The following TSTD2 variants were observed in gnomAD, a reference collection of about 807,000 sequenced individuals.
TSTD2 encodes thiosulfate sulfurtransferase/rhodanese-like domain-containing protein 2.
Under a neutral mutation model 47.9 loss-of-function variants are expected in TSTD2, and 37 were observed. The ratio of observed to expected loss-of-function variants is 0.77; its 90% CI spans 0.59 to 1.02. The LOEUF (loss-of-function observed/expected upper bound fraction) is 1.02. Among genes scored for constraint, TSTD2 ranks in the 50% least tolerant of loss-of-function variants. The probability of loss-of-function intolerance (pLI) is 0.00; values close to 1 mark genes in which losing one functional copy is unlikely to be tolerated. For missense variants in TSTD2, 586 were observed against 616.0 expected (o/e 0.95, Z 0.52); for synonymous variants, 201 against 215.9 (o/e 0.93, Z 0.61).
Position 97,601,630 on chromosome 9 carries a change from A to C in TSTD2, c.*839T>G. ...TTTCTGTAAAAGGCCAGACAGTAAA[A>C]ATTTCCGATTTTGCAGGCCACATAG... On this transcript the variant is annotated 3_prime_UTR_variant, in exon 10 of 10. Transcript: ENST00000341170. 1 of 984,046 alleles carries C rather than the reference A, an allele frequency of 1.0e-6. No homozygotes were observed. Among genetic ancestry groups the C allele is most frequent in the Non-Finnish European group, 1.2e-6 (1 of 828,360 alleles). 61.0% of individuals were successfully genotyped at this position (984,046 alleles called of 1,614,324 possible).
At chr9:97,611,804 G>A in intron 4 of TSTD2, 105 bp from the exon 5 acceptor site, 1 of 1,187,344 alleles carries the variant, frequency 8.4e-7, no homozygotes, top group South Asian at 1.6e-5. Flanking sequence ...AACAGGAAAA[G>A]CAGAGACGCT....
intron 7 of TSTD2, 122 bp downstream of exon 7, chr9:97,606,021 T>C: frequency 1.3e-6 from 1 of 781,118 alleles, no homozygotes; most frequent in Non-Finnish European, 2.2e-6. Context: ...AAGCTGCCAG[T>C]ACTGGGAGGA....
chr9:97,628,242 G>A (rs1451773838), intron 1 of TSTD2, among the ~76,000 whole-genome samples: 2 of 152,146 alleles, frequency 1.3e-5, no homozygotes, highest in East Asian at 1.9e-4. Flanking sequence ...TCGCTACTGT[G>A]GCCAAATCTT....
chr9:97,602,161 C>A lies in TSTD2; in HGVS notation c.*308G>T, dbSNP rs1388870197. On this transcript the variant is annotated 3_prime_UTR_variant, in exon 10 of 10. Coordinates refer to ENST00000341170, the MANE Select transcript of TSTD2 (RefSeq NM_139246.5). The stretch of plus-strand genomic sequence containing the variant: ...GGGCAATGACTACTAACAGCCCCAG[C>A]TGCATGGAACAGAAAGGGCATATGC... 1 of 290,950 alleles carries A rather than the reference C, an allele frequency of 3.4e-6. No individual in the cohort carries two copies. The highest frequency in any genetic ancestry group is 9.3e-5 in the South Asian group (1 of 10,756). 18.0% of individuals were successfully genotyped at this position (290,950 alleles called of 1,614,324 possible). A position where few individuals can be genotyped will look rare whatever the true frequency, so the allele number is the denominator to read the frequency against.
At chr9:97,621,207 G>A (rs1355764741) in intron 3 of TSTD2, among the ~76,000 whole-genome samples, 1 of 152,146 alleles carries the variant, frequency 6.6e-6, no homozygotes, top group Non-Finnish European at 1.5e-5. Flanking sequence ...AAATTGTGAA[G>A]ATTTCATGGA....
chr9:97,606,201 T>C lies in TSTD2; in HGVS notation c.896A>G (p.Asn299Ser). 2 of 1,613,056 alleles carry C rather than the reference T, an allele frequency of 1.2e-6. No homozygotes were observed. Among genetic ancestry groups the C allele is most frequent in the Non-Finnish European group, 1.7e-6 (2 of 1,179,746 alleles). Residue 299 changes from asparagine to serine, a missense_variant, in exon 7 of 10, where the codon AAT becomes AGT. Asn to Ser is a conservative substitution (Grantham distance 46). Coordinates refer to ENST00000341170, the MANE Select transcript of TSTD2 (RefSeq NM_139246.5). ...AAGGATAGTATCACTTTGTTCTTGA[T>C]TTGCCTGAGATAAAAACTTTTCTAC... Reference protein sequence around the residue: ...KEVEKFLSQANQEQSDTILLD... With the variant: ...KEVEKFLSQASQEQSDTILLD...
At chr9:97,605,417 C>T (rs554343149) in intron 8 of TSTD2, 66 bp downstream of exon 8, 24 of 1,595,384 alleles carry the variant, frequency 1.5e-5, no homozygotes, top group Middle Eastern at 2.3e-4. Flanking sequence ...GACAGCTCCA[C>T]GTAAGCTGCT....
At position 97,620,128 on chromosome 9, in the gene TSTD2, T is replaced by C. The variant is rs191673272; in HGVS notation, c.483-2251A>G. On this transcript the variant is annotated intron_variant, in intron 3 of 9. Coordinates refer to ENST00000341170, the MANE Select transcript of TSTD2 (RefSeq NM_139246.5). ...TAATTCTCACAATTCCCACGTGTCA[T>C]TGGAGGAACGCAGTGGGAGCTAATT... Among the ~76,000 whole-genome samples the C allele has an allele frequency of 2.1e-3, 322 of 152,300 alleles. 2 individuals are homozygous for C. Among genetic ancestry groups the C allele is most frequent in the Non-Finnish European group, 3.3e-3 (227 of 68,024 alleles).
At chr9:97,619,480 A>G (rs73554650) in intron 3 of TSTD2, among the ~76,000 whole-genome samples, 14,257 of 152,122 alleles carry the variant, frequency 0.094, 2,296 homozygotes, top group African/African-American at 0.33. Context: ...AACATAAAGA[A>G]TAGTAAATAT....
intron 3 of TSTD2, among the ~76,000 whole-genome samples, chr9:97,623,517 C>T (rs1826672384): frequency 6.6e-6 from 1 of 152,192 alleles, no homozygotes; most frequent in Non-Finnish European, 1.5e-5. Context: ...ATATAATTTT[C>T]TTTCTTTACC....
At chr9:97,618,970 T>A (rs1452165457) in intron 3 of TSTD2, among the ~76,000 whole-genome samples, 1 of 152,234 alleles carries the variant, frequency 6.6e-6, no homozygotes, top group Non-Finnish European at 1.5e-5. Flanking sequence ...ATCTGCTAAT[T>A]GCCTCATGTG....
chr9:97,612,974 C>G (rs1256497209), intron 4 of TSTD2, among the ~76,000 whole-genome samples: 2 of 152,210 alleles, frequency 1.3e-5, no homozygotes, highest in Non-Finnish European at 2.9e-5. Flanking sequence ...TGCTATGGAG[C>G]TACAATAGTC....
rs374086438 is a variant in TSTD2 at position 97,625,786 on chromosome 9, G to A, written c.377C>T (p.Ser126Leu). ...TAAAGGGTTCTTTTCATCTGCAGACGAAAGACTCTTTGAGGTGCTCAATGT... is the reference window on the plus strand; with the variant it reads ...TAAAGGGTTCTTTTCATCTGCAGACAAAAGACTCTTTGAGGTGCTCAATGT... ...AVTLSTSKSLSSADEKNPLKE... is the reference protein window; with the variant it reads ...AVTLSTSKSLLSADEKNPLKE... Residue 126 changes from serine (S) to leucine (L), a missense_variant, in exon 3 of 10, where the codon TCG becomes TTG. Physicochemically the swap from Ser to Leu is moderately radical, Grantham distance 145. Coordinates refer to ENST00000341170, the MANE Select transcript of TSTD2 (RefSeq NM_139246.5). 2.4e-5 allele frequency: 39 copies of A among 1,614,148 alleles called. No homozygotes were observed. In the South Asian group the frequency reaches 2.5e-4, roughly 10 times the overall value.
chr9:97,610,545 A>G lies in TSTD2; in HGVS notation c.730-94T>C. The G allele has an allele frequency of 1.4e-5, 13 of 919,046 alleles. No homozygotes were observed. In the South Asian group the frequency reaches 2.6e-4, roughly 19 times the overall value. 56.9% of individuals were successfully genotyped at this position (919,046 alleles called of 1,614,324 possible). ...TATAAGAATGATGGTCTGTTTTGTA[A>G]TAACAATAGCTGAAGTCTTAAAAAA... is the stretch of plus-strand genomic sequence containing the variant. On this transcript the variant is annotated intron_variant, in intron 5 of 9. Transcript: ENST00000341170.
At chr9:97,622,809 C>G (rs1004367624) in intron 3 of TSTD2, among the ~76,000 whole-genome samples, 4 of 152,242 alleles carry the variant, frequency 2.6e-5, no homozygotes, top group African/African-American at 9.6e-5. Flanking sequence ...CCTGTGGCCC[C>G]TTTGTTTTGG....
Position 97,600,243 on chromosome 9 carries a change from G to GAT in TSTD2, c.*2224_*2225dup. 1 of 988,266 alleles carries GAT rather than the reference G, an allele frequency of 1.0e-6. No homozygotes were observed. The highest frequency in any genetic ancestry group is 1.7e-5 in the African/African-American group (1 of 57,334). 61.2% of individuals were successfully genotyped at this position (988,266 alleles called of 1,614,324 possible). A position where few individuals can be genotyped will look rare whatever the true frequency, so the allele number is the denominator to read the frequency against. ...AGAACACAATTTTCCCCTCAGAACA[G>GAT]ATAGACAGACTGAAGCCACTGAACT... On this transcript the variant is annotated 3_prime_UTR_variant, in exon 10 of 10. Coordinates refer to ENST00000341170, the MANE Select transcript of TSTD2 (RefSeq NM_139246.5).
chr9:97,612,857 G>A (rs2131309926), intron 4 of TSTD2, among the ~76,000 whole-genome samples: 1 of 152,304 alleles, frequency 6.6e-6, no homozygotes, highest in South Asian at 2.1e-4. Flanking sequence ...TGCCCAGCTG[G>A]ATACTTGTAT....
chr9:97,605,347 C>A (rs1826346903), intron 8 of TSTD2, 136 bp downstream of exon 8: 2 of 994,074 alleles, frequency 2.0e-6, no homozygotes, highest in Non-Finnish European at 2.9e-6. Flanking sequence ...CATGCTGGAG[C>A]CATACGAGGG....
chr9:97,631,459 GCAC>G (rs1438033600), intron 1 of TSTD2, among the ~76,000 whole-genome samples: 1 of 152,048 alleles, frequency 6.6e-6, no homozygotes, highest in African/African-American at 2.4e-5. Context: ...AGATCACTTT[GCAC>G]CACCATCTTT....
Sources: gnomAD v4.1 joint callset for allele counts (sites outside exome capture counted in the v4.1 genomes callset) on GRCh38, gnomAD v4.1.1 for gene constraint, MANE v1.5 for transcripts, NCBI Gene and HGNC (gene_info 2026-07-23, HGNC 2026-07-21) for gene names.